DDX52: variants seen among roughly 807,000 people sequenced by gnomAD.
DDX52 encodes the protein DExD-box helicase 52.
In DDX52, 59 loss-of-function variants were observed where a neutral mutation model predicts 76.1. That is an observed-to-expected ratio of 0.78 (90% CI 0.63 to 0.96). The LOEUF is 0.96. DDX52 is among the 40% of genes least tolerant of loss of function. DDX52 has a pLI of 0.00. For synonymous variants in DDX52, 231 were observed against 244.1 expected, an observed-to-expected ratio of 0.95 and a Z score of 0.50; for missense variants, 707 against 703.9, an observed-to-expected ratio of 1.00 and a Z score of -0.05.
intron 1 of DDX52, 26 bp downstream of exon 1, chr17:37,643,308 G>C (rs1216728959): frequency 6.3e-7 from 1 of 1,596,958 alleles, no homozygotes; most frequent in Non-Finnish European, 8.6e-7. Context: ...TCAGTTACTC[G>C]GCCCTCGGTC....
intron 14 of DDX52, chr17:37,615,159 T>C (rs1227837696): frequency 6.6e-6 from 1 of 152,230 alleles, no homozygotes; most frequent in African/African-American, 2.4e-5. Flanking sequence ...CACAGAAATA[T>C]GAGCTGAGCC....
chr17:37,633,159 A>C (rs2030759248), intron 3 of DDX52, 129 bp downstream of exon 3: 1 of 1,048,564 alleles, frequency 9.5e-7, no homozygotes, highest in East Asian at 3.2e-5. Context: ...GTAAAATCTA[A>C]ATGAATGTAA....
chr17:37,623,283 G>T (rs1177334544), intron 9 of DDX52, among the ~76,000 whole-genome samples: 1 of 152,008 alleles, frequency 6.6e-6, no homozygotes. Context: ...CAATTAGCCG[G>T]GCATGGTGGC....
At position 37,626,877 on chromosome 17, in the gene DDX52, T is replaced by C. The variant is rs772305875; in HGVS notation, c.860-17A>G. 21 of 1,599,212 alleles carry C rather than the reference T, an allele frequency of 1.3e-5. No homozygotes were observed. Among genetic ancestry groups the C allele is most frequent in the Admixed American group, 5.3e-5 (3 of 56,852 alleles). On this transcript the variant is annotated splice_polypyrimidine_tract_variant and intron_variant, in intron 6 of 14. Transcript: ENST00000617633. ...CAAGAATATCTATAGGAAAAACAAA[T>C]GGTAGAAATTGCAAAAACAGGATTT...
intron 14 of DDX52, among the ~76,000 whole-genome samples, chr17:37,617,312 G>T (rs2029873727): frequency 6.6e-6 from 1 of 152,026 alleles, no homozygotes; most frequent in African/African-American, 2.4e-5. Flanking sequence ...TCTCAGGGGA[G>T]AAAAAAACAA....
intron 13 of DDX52, 105 bp downstream of exon 13, chr17:37,619,663 G>A (rs2029974334): frequency 3.1e-6 from 3 of 976,936 alleles, no homozygotes; most frequent in Non-Finnish European, 4.6e-6. Context: ...AGTGAGCTGT[G>A]ATCATGCCAC....
intron 6 of DDX52, 70 bp downstream of exon 6, chr17:37,628,491 G>A (rs2030503031): frequency 7.9e-7 from 1 of 1,264,826 alleles, no homozygotes. Flanking sequence ...CACTTACATA[G>A]CAATTAGGAT....
chr17:37,634,895 CCT>C (rs1438093810), intron 2 of DDX52, among the ~76,000 whole-genome samples: 2 of 151,012 alleles, frequency 1.3e-5, no homozygotes, highest in Non-Finnish European at 2.9e-5. Flanking sequence ...CTCACTGCAA[CCT>C]CTGTCTCCCA....
chr17:37,620,818 A>T, intron 12 of DDX52, 55 bp downstream of exon 12: 1 of 1,484,158 alleles, frequency 6.7e-7, no homozygotes, highest in South Asian at 1.3e-5. Context: ...GAATATACAT[A>T]TAAGAATAAT....
chr17:37,627,663 A>G (rs1320572861), intron 6 of DDX52, among the ~76,000 whole-genome samples: 1 of 151,986 alleles, frequency 6.6e-6, no homozygotes, highest in Admixed American at 6.6e-5. Context: ...ACAAAACAAA[A>G]CAGATGAAAG....
At chr17:37,626,730 A>C in intron 7 of DDX52, 58 bp downstream of exon 7, 1 of 1,548,400 alleles carries the variant, frequency 6.5e-7, no homozygotes, top group Non-Finnish European at 8.8e-7. Context: ...AATAGAGGAC[A>C]AAATATAATT....
rs769368609 is a variant in DDX52 at position 37,619,823 on chromosome 17, G to A, written c.1594C>T (p.Gln532Ter). ...TCTGGTACAGGACACCCAGCCTGCT[G>A]TATAACATTAGCAACGCTGAAAAAG... ...PLLRSVANVI[Q>*]QAGCPVPEYI... The change falls in exon 13 of 15, where the codon CAG becomes TAG. Residue 532 changes from glutamine (Q) to a stop codon, truncating the protein, a stop_gained. Coordinates refer to ENST00000617633, the MANE Select transcript of DDX52 (RefSeq NM_007010.5). LOFTEE classifies it high-confidence loss of function. The A allele has an allele frequency of 6.2e-6, 10 of 1,613,678 alleles. No homozygotes were observed. Among genetic ancestry groups the A allele is most frequent in the Non-Finnish European group, 7.6e-6 (9 of 1,179,940 alleles).
chr17:37,611,050 T>C lies in DDX52; in HGVS notation c.*3246A>G, dbSNP rs1340273380. The stretch of plus-strand genomic sequence containing the variant: ...TGTCCTGGAATCCTTTTTGTTCCTC[T>C]TCTTTGCCTATTGGTTTTTACATTT... On this transcript the variant is annotated 3_prime_UTR_variant, in exon 15 of 15. Coordinates refer to ENST00000617633, the MANE Select transcript of DDX52 (RefSeq NM_007010.5). 1 of 151,064 alleles carries C rather than the reference T, an allele frequency of 6.6e-6. No homozygotes were observed. Among genetic ancestry groups the C allele is most frequent in the Non-Finnish European group, 1.5e-5 (1 of 68,048 alleles). The allele number at this position is 151,064 out of a possible 1,614,324, so 9.4% of individuals were successfully genotyped here. A position where few individuals can be genotyped will look rare whatever the true frequency, so the allele number is the denominator to read the frequency against.
At chr17:37,632,371 T>C in intron 3 of DDX52, 73 bp from the exon 4 acceptor site, 1 of 1,550,412 alleles carries the variant, frequency 6.4e-7, no homozygotes, top group Non-Finnish European at 8.9e-7. Flanking sequence ...TAAAGCAACA[T>C]TAACAGTTTC....
At chr17:37,616,455 C>G (rs1383727872) in intron 14 of DDX52, among the ~76,000 whole-genome samples, 2 of 152,066 alleles carry the variant, frequency 1.3e-5, no homozygotes, top group Admixed American at 1.3e-4. Flanking sequence ...GAGTTCGAGA[C>G]CATCTTGGCC....
intron 4 of DDX52, chr17:37,631,845 A>T: frequency 2.0e-6 from 1 of 496,418 alleles, no homozygotes; most frequent in Non-Finnish European, 3.6e-6. Flanking sequence ...AATGTAAAAT[A>T]AATGTTGCAA....
At chr17:37,642,384 ACTC>A (rs1224092352) in intron 1 of DDX52, 76 bp from the exon 2 acceptor site, 1 of 1,465,032 alleles carries the variant, frequency 6.8e-7, no homozygotes, top group Non-Finnish European at 9.2e-7. Context: ...CTGTTCAATG[ACTC>A]CTCATCTTTT....
At chr17:37,622,149 ACTATCT>A (rs1159110384) in intron 9 of DDX52, among the ~76,000 whole-genome samples, 2 of 94,258 alleles carry the variant, frequency 2.1e-5, no homozygotes, top group African/African-American at 8.7e-5. Context: ...AATCTCTACT[ACTATCT>A]CTAAGTAAAC....
At chr17:37,630,568 G>A (rs2030628606) in intron 4 of DDX52, among the ~76,000 whole-genome samples, 1 of 151,124 alleles carries the variant, frequency 6.6e-6, no homozygotes, top group South Asian at 2.1e-4. Context: ...CAAAATGGCT[G>A]AAGAAATAAA....
Sources: gnomAD v4.1 joint callset for allele counts (sites outside exome capture counted in the v4.1 genomes callset) on GRCh38, gnomAD v4.1.1 for gene constraint, MANE v1.5 for transcripts, NCBI Gene and HGNC (gene_info 2026-07-23, HGNC 2026-07-21) for gene names.